Variants in XPO5 observed in about 807,000 individuals in gnomAD.
XPO5 encodes the protein exportin 5, also known as exportin-5.
XPO5 carries 46 observed loss-of-function variants against 160.6 expected under a neutral mutation model. The ratio of observed to expected loss-of-function variants is 0.29; its 90% CI spans 0.23 to 0.37. The LOEUF is 0.37. Among genes scored for constraint, XPO5 ranks in the 10% least tolerant of loss-of-function variants. The pLI is 1.00. For synonymous variants in XPO5, 537 were observed against 519.3 expected (o/e 1.03, Z -0.46); for missense variants, 1,090 against 1,463.9 (o/e 0.74, Z 4.17).
chr6:43,555,404 G>T (rs185006049), intron 13 of XPO5: 1 of 154,938 alleles, frequency 6.5e-6, no homozygotes, highest in Admixed American at 6.3e-5. Flanking sequence ...GTGGCTGAGT[G>T]ATATGAGAAG....
rs558382987 is a variant in XPO5, at chr6:43,524,885, G to A, written c.3258C>T (p.His1086=). ...VLKGLQMHGQ[H]DGCMASLVHL... ...GGACCAGGGAAGCCATGCACCCGTC[G>A]TGCTGCCCGTGCATCTGTAAGCCTT... The change falls in exon 30 of 32, where the codon CAC becomes CAT. Residue 1086 remains histidine (H), a synonymous_variant. Transcript: ENST00000265351. 20 of 1,613,954 alleles carry A rather than the reference G, an allele frequency of 1.2e-5. No individual in the cohort carries two copies. The highest frequency in any genetic ancestry group is 4.4e-5 in the South Asian group (4 of 91,080).
At chr6:43,573,073 G>A (rs963319545) in intron 2 of XPO5, among the ~76,000 whole-genome samples, 2 of 152,218 alleles carry the variant, frequency 1.3e-5, no homozygotes, top group East Asian at 1.9e-4. Context: ...ATCCTGCTTT[G>A]GATGTACCAC....
chr6:43,550,332 TAAACTC>T (rs1231005961), intron 15 of XPO5, among the ~76,000 whole-genome samples: 1 of 152,250 alleles, frequency 6.6e-6, no homozygotes, highest in Non-Finnish European at 1.5e-5. Context: ...ATTATGGAAT[TAAACTC>T]AGACAAGAGT....
At chr6:43,561,046 G>GAAAAGCAGGAGAGGA in intron 9 of XPO5, 39 bp from the exon 10 acceptor site, 1 of 1,510,284 alleles carries the variant, frequency 6.6e-7, no homozygotes. Flanking sequence ...TGTTGATCGA[G>GAAAAGCAGGAGAGGA]AAAAGCAGGA....
intron 23 of XPO5, among the ~76,000 whole-genome samples, chr6:43,529,791 C>T (rs528093708): frequency 4.6e-5 from 7 of 151,180 alleles, no homozygotes; most frequent in South Asian, 2.1e-4. Flanking sequence ...TGTGGTGGTG[C>T]GCATCTGTGG....
At chr6:43,534,081 A>C in intron 20 of XPO5, 74 bp from the exon 21 acceptor site, 1 of 1,170,476 alleles carries the variant, frequency 8.5e-7, no homozygotes, top group African/African-American at 1.5e-5. Flanking sequence ...CTTGTAATCC[A>C]GTGATACTAC....
intron 18 of XPO5, 32 bp downstream of exon 18, chr6:43,548,229 T>C (rs748200431): frequency 2.6e-6 from 4 of 1,546,908 alleles, no homozygotes; most frequent in Non-Finnish European, 2.6e-6. Context: ...TGCTTGAGTA[T>C]AGTAAGAGTC....
intron 9 of XPO5, 113 bp downstream of exon 9, chr6:43,562,134 C>T: frequency 1.4e-6 from 1 of 716,522 alleles, no homozygotes. Context: ...TTGTATGGCA[C>T]TGCCCCATCA....
At position 43,531,559 on chromosome 6, in the gene XPO5, G is replaced by C. The variant is rs1438117355; in HGVS notation, c.2460C>G (p.Leu820=). Residue 820 remains leucine, a synonymous_variant, in exon 22 of 32, where the codon CTC becomes CTG. Coordinates refer to ENST00000265351, the MANE Select transcript of XPO5 (RefSeq NM_020750.3). ...AGACAGGAGAGTCATTGAGTTCCAA[G>C]AGAGGTTGAGGTAATCCTACAGGGA... ...KSAILGLPQP[L]LELNDSPVFK... 6.2e-7 allele frequency: 1 copy of C among 1,613,802 alleles called. No individual in the cohort carries two copies. The highest frequency in any genetic ancestry group is 8.5e-7 in the Non-Finnish European group (1 of 1,179,820).
chr6:43,539,505 C>A, intron 20 of XPO5: 4 of 1,562,178 alleles, frequency 2.6e-6, no homozygotes, highest in Non-Finnish European at 3.5e-6. Context: ...ACCAAGCGGC[C>A]CAGCTTGGTG....
intron 17 of XPO5, 115 bp from the exon 18 acceptor site, chr6:43,548,575 A>G (rs1306854879): frequency 2.1e-6 from 2 of 935,260 alleles, no homozygotes; most frequent in Non-Finnish European, 3.0e-6. Context: ...AGTCAGGCCT[A>G]TAAGGTTATT....
chr6:43,527,525 C>T (rs1304158968), intron 26 of XPO5, 109 bp downstream of exon 26: 15 of 1,112,374 alleles, frequency 1.3e-5, no homozygotes, highest in Non-Finnish European at 1.9e-5. Flanking sequence ...ACCATGCCCG[C>T]CGCAAACATG....
Position 43,573,543 on chromosome 6 carries a change from G to A in XPO5, c.164C>T (p.Ala55Val). 2 of 1,613,780 alleles carry A rather than the reference G, an allele frequency of 1.2e-6. No homozygotes were observed. The highest frequency in any genetic ancestry group is 1.7e-6 in the Non-Finnish European group (2 of 1,179,752). ...GACGATGGCAACTTGTGTTTTCTCAGCCAACCTCAAGCCACAGGGGACACA... is the reference window on the plus strand; with the variant it reads ...GACGATGGCAACTTGTGTTTTCTCAACCAACCTCAAGCCACAGGGGACACA... Reference protein sequence around the residue: ...PICVPCGLRLAEKTQVAIVRH... With the variant: ...PICVPCGLRLVEKTQVAIVRH... Residue 55 changes from alanine to valine, a missense_variant, in exon 2 of 32, where the codon GCT becomes GTT. Physicochemically the swap from Ala to Val is moderately conservative, Grantham distance 64. This residue lies in a region of XPO5 where 170 missense variants were observed against 227.0 expected (regional missense o/e 0.75). Transcript: ENST00000265351.
intron 20 of XPO5, among the ~76,000 whole-genome samples, chr6:43,540,231 G>A (rs923030094): frequency 2.0e-5 from 3 of 152,144 alleles, no homozygotes; most frequent in Non-Finnish European, 4.4e-5. Flanking sequence ...CTCTACTGAA[G>A]ATACAAAATT....
intron 12 of XPO5, among the ~76,000 whole-genome samples, chr6:43,556,853 G>C (rs1762115877): frequency 6.6e-6 from 1 of 152,326 alleles, no homozygotes; most frequent in African/African-American, 2.4e-5. Context: ...TGAAGGCCGG[G>C]TGTGGTGGCT....
At position 43,575,819 on chromosome 6, in the gene XPO5, C is replaced by G; in HGVS notation, c.46G>C (p.Ala16Pro). The G allele has an allele frequency of 6.2e-7, 1 of 1,613,856 alleles. No homozygotes were observed. Among genetic ancestry groups the G allele is most frequent in the Non-Finnish European group, 8.5e-7 (1 of 1,179,774 alleles). The change falls in exon 1 of 32, where the codon GCG becomes CCG. Residue 16 changes from alanine to proline, a missense_variant. By Grantham distance (27) the Ala-to-Pro change is conservative. Around this residue, in one of 3 missense-constraint regions of XPO5, gnomAD observed 170 missense variants for 227.0 expected, o/e 0.75. Transcript: ENST00000265351. Reference protein sequence around the residue: ...VNALCEQLVKAVTVMMDPNST... With the variant: ...VNALCEQLVKPVTVMMDPNST... Reference sequence around the variant, plus strand: ...TTGGGGTCCATCATGACCGTCACCGCTTTCACCAGCTGCTCGCACAGCGCG... The same window carrying G: ...TTGGGGTCCATCATGACCGTCACCGGTTTCACCAGCTGCTCGCACAGCGCG...
intron 1 of XPO5, among the ~76,000 whole-genome samples, chr6:43,574,412 A>G (rs1028055878): frequency 1.3e-5 from 2 of 150,160 alleles, no homozygotes; most frequent in African/African-American, 4.9e-5. Flanking sequence ...ATATAAAAAT[A>G]AAAATATAAA....
chr6:43,565,606 G>C, intron 8 of XPO5, 54 bp downstream of exon 8: 1 of 1,389,796 alleles, frequency 7.2e-7, no homozygotes, highest in Non-Finnish European at 9.7e-7. Flanking sequence ...ATCCAAATAA[G>C]ATAGAAAAAT....
chr6:43,564,375 C>G, intron 8 of XPO5, among the ~76,000 whole-genome samples: 1 of 152,108 alleles, frequency 6.6e-6, no homozygotes, highest in South Asian at 2.1e-4. Flanking sequence ...ACTAAAAATA[C>G]AAAATTAGCT....
Sources: gnomAD v4.1 joint callset for allele counts (sites outside exome capture counted in the v4.1 genomes callset) on GRCh38, gnomAD v4.1.1 for gene constraint, gnomAD v4.1.1 regional missense constraint, MANE v1.5 for transcripts, NCBI Gene and HGNC (gene_info 2026-07-23, HGNC 2026-07-21) for gene names.